The following NIPSNAP1 variants were observed in gnomAD, a reference collection of about 807,000 sequenced individuals.
NIPSNAP1 encodes nipsnap homolog 1.
Under a neutral mutation model 49.2 loss-of-function variants are expected in NIPSNAP1, and 25 were observed. That is an observed-to-expected ratio of 0.51 (90% CI 0.37 to 0.71). NIPSNAP1 has a LOEUF of 0.71. Among genes scored for constraint, NIPSNAP1 ranks in the 30% least tolerant of loss-of-function variants. The pLI is 0.00. For synonymous variants in NIPSNAP1, 143 were observed against 140.7 expected, an observed-to-expected ratio of 1.02 and a Z score of -0.12; for missense variants, 294 against 361.0, an observed-to-expected ratio of 0.81 and a Z score of 1.50.
chr22:29,576,013 CTT>C (rs35741168), intron 1 of NIPSNAP1, among the ~76,000 whole-genome samples: 3 of 138,450 alleles, frequency 2.2e-5, no homozygotes, highest in Admixed American at 7.4e-5. Flanking sequence ...CACACTTGGC[CTT>C]TTTTTTTTTT....
At chr22:29,573,008 C>G (rs568152252) in intron 1 of NIPSNAP1, among the ~76,000 whole-genome samples, 7 of 150,788 alleles carry the variant, frequency 4.6e-5, no homozygotes, top group African/African-American at 1.7e-4. Flanking sequence ...TAAAAATAAT[C>G]TTAAAGTGGT....
Position 29,555,866 on chromosome 22 carries a change from A to G in NIPSNAP1, c.*69T>C. 1.4e-6 allele frequency: 2 copies of G among 1,404,516 alleles called. No homozygotes were observed. Among genetic ancestry groups the G allele is most frequent in the Non-Finnish European group, 2.0e-6 (2 of 1,012,732 alleles). The allele number at this position is 1,404,516 out of a possible 1,614,324, so 87.0% of individuals were successfully genotyped here. On this transcript the variant is annotated 3_prime_UTR_variant, in exon 10 of 10. Coordinates refer to ENST00000216121, the MANE Select transcript of NIPSNAP1 (RefSeq NM_003634.4). The stretch of plus-strand genomic sequence containing the variant: ...GCCAAGACAAAACCAAGACAGCAGG[A>G]CCAGGAGTGCCACTGTCTGTCGGGG...
At chr22:29,557,204 C>T (rs1026365983) in intron 9 of NIPSNAP1, among the ~76,000 whole-genome samples, 8 of 147,554 alleles carry the variant, frequency 5.4e-5, no homozygotes, top group African/African-American at 1.8e-4. Flanking sequence ...ATGCAACCTC[C>T]GCCTCCTGGG....
intron 4 of NIPSNAP1, among the ~76,000 whole-genome samples, chr22:29,568,178 C>CAAA (rs33974680): frequency 9.8e-5 from 4 of 40,642 alleles, no homozygotes; most frequent in African/African-American, 1.3e-4. Context: ...GACCCTGTCT[C>CAAA]AAAAAAAAAA....
At chr22:29,576,892 T>A (rs1038576840) in intron 1 of NIPSNAP1, among the ~76,000 whole-genome samples, 1 of 147,600 alleles carries the variant, frequency 6.8e-6, no homozygotes, top group Non-Finnish European at 1.5e-5. Context: ...GCCACTGCAC[T>A]CCAGCCTGGC....
intron 8 of NIPSNAP1, among the ~76,000 whole-genome samples, chr22:29,560,391 G>A (rs776766117): frequency 2.0e-5 from 3 of 152,026 alleles, no homozygotes; most frequent in Non-Finnish European, 4.4e-5. Context: ...GGGACTACAG[G>A]CATGCGCCAC....
chr22:29,565,547 C>T (rs553499857), intron 4 of NIPSNAP1, among the ~76,000 whole-genome samples: 1 of 152,050 alleles, frequency 6.6e-6, no homozygotes, highest in African/African-American at 2.4e-5. Context: ...AGGATCCCAT[C>T]CCTCAGAGTT....
intron 1 of NIPSNAP1, among the ~76,000 whole-genome samples, chr22:29,571,839 G>A (rs146336736): frequency 0.022 from 3,314 of 151,616 alleles, 133 homozygotes; most frequent in African/African-American, 0.075. Flanking sequence ...GCAGTGGTGC[G>A]ATCTCGGCTC....
chr22:29,556,300 G>A (rs555621484), intron 9 of NIPSNAP1, among the ~76,000 whole-genome samples: 4 of 152,106 alleles, frequency 2.6e-5, no homozygotes, highest in African/African-American at 4.8e-5. Context: ...CAAGACAGGC[G>A]GATCACCTGA....
In NIPSNAP1 at chr22:29,561,148, CCA is replaced by C. The variant is rs201758280; in HGVS notation, c.611+21_611+22del. 4,534 of 1,609,560 alleles carry C rather than the reference CCA, an allele frequency of 2.8e-3. 139 individuals are homozygous for C. In the Admixed American group the frequency reaches 0.056, roughly 20 times the overall value. The stretch of plus-strand genomic sequence containing the variant: ...TGAGCAGGGTACGCCTCCCCCAACC[CCA>C]GTCTTGGTGCTGCCACTTACCAGTT... On this transcript the variant is annotated intron_variant, in intron 7 of 9. Transcript: ENST00000216121.
rs2064338951 is a variant in NIPSNAP1, at chr22:29,561,931, G to A, written c.368-69C>T. On this transcript the variant is annotated intron_variant, in intron 4 of 9. Transcript: ENST00000216121. ...CCAGCAGATGACCTCCTCAAGGTTG[G>A]CTAAGTGGTGGGGACGGGGGAGGCG... is the stretch of plus-strand genomic sequence containing the variant. 8.7e-6 allele frequency: 13 copies of A among 1,485,830 alleles called. No individual in the cohort carries two copies. In the South Asian group the frequency reaches 1.5e-4, roughly 17 times the overall value. 92.0% of individuals were successfully genotyped at this position (1,485,830 alleles called of 1,614,324 possible). A position where few individuals can be genotyped will look rare whatever the true frequency, so the allele number is the denominator to read the frequency against.
chr22:29,558,797 T>G (rs1040923593), intron 9 of NIPSNAP1, 73 bp downstream of exon 9: 18 of 1,112,648 alleles, frequency 1.6e-5, no homozygotes, highest in Non-Finnish European at 2.5e-5. Context: ...CAAGAAAGAC[T>G]AGATCTCCTT....
chr22:29,561,652 G>A lies in NIPSNAP1; in HGVS notation c.439-6C>T. ...CTTCGGAACTCCAGGTACTCCTGTG[G>A]GCATGGTGGTAAAGGCATGGCTACC... On this transcript the variant is annotated splice_polypyrimidine_tract_variant and splice_region_variant and intron_variant, in intron 5 of 9. Transcript: ENST00000216121. The A allele has an allele frequency of 1.2e-6, 2 of 1,614,060 alleles. No homozygotes were observed. Among genetic ancestry groups the A allele is most frequent in the Non-Finnish European group, 1.7e-6 (2 of 1,180,032 alleles).
chr22:29,580,007 C>A, intron 1 of NIPSNAP1: 1 of 1,103,310 alleles, frequency 9.1e-7, no homozygotes, highest in Non-Finnish European at 1.2e-6. Flanking sequence ...CAGGCACTAT[C>A]AGAACTTTGC....
At chr22:29,566,738 C>T (rs752635644) in intron 4 of NIPSNAP1, among the ~76,000 whole-genome samples, 2 of 152,112 alleles carry the variant, frequency 1.3e-5, no homozygotes, top group African/African-American at 4.8e-5. Context: ...GTGAGAGAAT[C>T]ATCTGAGCCC....
chr22:29,580,331 G>A, intron 1 of NIPSNAP1: 1 of 938,296 alleles, frequency 1.1e-6, no homozygotes, highest in Non-Finnish European at 1.3e-6. Context: ...TCAGCCCAGA[G>A]CAGGGCCCAA....
At chr22:29,560,048 G>A (rs1450978476) in intron 8 of NIPSNAP1, among the ~76,000 whole-genome samples, 1 of 151,880 alleles carries the variant, frequency 6.6e-6, no homozygotes, top group Non-Finnish European at 1.5e-5. Flanking sequence ...TCAAAACCCC[G>A]AAGGCCTTTC....
rs950982666 is a variant in NIPSNAP1, at chr22:29,579,452, G to A, written c.98+1533C>T. ...GCTGGGACTACAGGCGCCTGCCACCGCGCCCAGCTAATTTTTTGTATTTTT... is the reference window on the plus strand; with the variant it reads ...GCTGGGACTACAGGCGCCTGCCACCACGCCCAGCTAATTTTTTGTATTTTT... On this transcript the variant is annotated intron_variant, in intron 1 of 9. Coordinates refer to ENST00000216121, the MANE Select transcript of NIPSNAP1 (RefSeq NM_003634.4). Among the ~76,000 whole-genome samples, 24 of 151,654 alleles carry A rather than the reference G, an allele frequency of 1.6e-4. No individual in the cohort carries two copies. The East Asian group carries it at 2.1e-3, about 14-fold the overall frequency.
chr22:29,570,523 G>T lies in NIPSNAP1; in HGVS notation c.108C>A (p.Ser36=), dbSNP rs758470894. ...GGAACCAGCTGCCTTCATTGTCCTT[G>T]GAATAGAAACTGCAGGACAGAGGAG... is the stretch of plus-strand genomic sequence containing the variant. ...VASAAAARFY[S]KDNEGSWFRS... The change falls in exon 2 of 10, where the codon TCC becomes TCA. Residue 36 remains serine, a synonymous_variant. Transcript: ENST00000216121. The T allele has an allele frequency of 4.3e-6, 7 of 1,613,572 alleles. No individual in the cohort carries two copies. The highest frequency in any genetic ancestry group is 5.1e-6 in the Non-Finnish European group (6 of 1,179,814).
Sources: gnomAD v4.1 joint callset for allele counts (sites outside exome capture counted in the v4.1 genomes callset) on GRCh38, gnomAD v4.1.1 for gene constraint, MANE v1.5 for transcripts, NCBI Gene and HGNC (gene_info 2026-07-23, HGNC 2026-07-21) for gene names.